TMTC4: variants seen among roughly 807,000 people sequenced by gnomAD.
TMTC4 encodes transmembrane O-mannosyltransferase targeting cadherins 4.
A neutral mutation model predicts 86.0 loss-of-function variants in TMTC4; 65 were observed. The ratio of observed to expected loss-of-function variants is 0.76; its 90% CI spans 0.62 to 0.93. TMTC4 has a LOEUF of 0.93. Among genes scored for constraint, TMTC4 ranks in the 40% least tolerant of loss-of-function variants. The pLI is 0.00. For synonymous variants in TMTC4, 379 were observed against 382.5 expected, an observed-to-expected ratio of 0.99 and a Z score of 0.11; for missense variants, 866 against 948.1, an observed-to-expected ratio of 0.91 and a Z score of 1.14.
Position 100,630,977 on chromosome 13 carries a change from A to G in TMTC4, c.1506+3828T>C, listed in dbSNP as rs959309105. ...TTATCCTATGGGTTAGGTGGAGGGA[A>G]TTCTTTGAATAAAAAATAGCTGCCT... is the stretch of plus-strand genomic sequence containing the variant. On this transcript the variant is annotated intron_variant, in intron 12 of 18. Coordinates refer to ENST00000342624, the MANE Select transcript of TMTC4 (RefSeq NM_032813.5). Among the ~76,000 whole-genome samples the G allele has an allele frequency of 2.0e-5, 3 of 152,356 alleles. No homozygotes were observed. The East Asian group carries it at 5.8e-4, about 29-fold the overall frequency.
At chr13:100,621,438 T>C (rs954553142) in intron 15 of TMTC4, among the ~76,000 whole-genome samples, 36 of 152,166 alleles carry the variant, frequency 2.4e-4, no homozygotes, top group African/African-American at 8.7e-4. Context: ...TTTATTTTTA[T>C]TTTTTGAGAT....
At chr13:100,620,903 T>G (rs1879370758) in intron 15 of TMTC4, among the ~76,000 whole-genome samples, 2 of 152,118 alleles carry the variant, frequency 1.3e-5, no homozygotes. Flanking sequence ...TATAAATGGG[T>G]TGGTTGAGTT....
At chr13:100,674,831 G>A (rs866444913), upstream of TMTC4, 56 of 973,042 alleles carry the variant, frequency 5.8e-5, 1 homozygote, top group African/African-American at 8.0e-4. Context: ...CTGGCAGGGG[G>A]AGGGGCCGCC....
At chr13:100,614,495 A>T in intron 15 of TMTC4, 65 bp from the exon 16 acceptor site, 1 of 1,006,150 alleles carries the variant, frequency 9.9e-7, no homozygotes, top group Non-Finnish European at 1.4e-6. Flanking sequence ...CCAAGACATT[A>T]TTAAAAAAAA....
intron 6 of TMTC4, among the ~76,000 whole-genome samples, chr13:100,651,318 A>C (rs1884403938): frequency 6.6e-6 from 1 of 152,180 alleles, no homozygotes; most frequent in Admixed American, 6.5e-5. Context: ...CCTCATTGTA[A>C]GAATAACACT....
In TMTC4 at chr13:100,664,154, C is replaced by T. The variant is rs927386353; in HGVS notation, c.335+67G>A. ...TGAATGCTGAGAACCTGGTGACACA[C>T]ACCTGTATCCAATGTCACACACAAG... On this transcript the variant is annotated intron_variant, in intron 4 of 18. Coordinates refer to ENST00000342624, the MANE Select transcript of TMTC4 (RefSeq NM_032813.5). 11 of 1,373,330 alleles carry T rather than the reference C, an allele frequency of 8.0e-6. No individual in the cohort carries two copies. The East Asian group carries it at 1.0e-4, about 13-fold the overall frequency. The allele number at this position is 1,373,330 out of a possible 1,614,324, so 85.1% of individuals were successfully genotyped here.
At chr13:100,617,994 G>A (rs956939242) in intron 15 of TMTC4, among the ~76,000 whole-genome samples, 35 of 152,120 alleles carry the variant, frequency 2.3e-4, no homozygotes, top group African/African-American at 8.5e-4. Flanking sequence ...ACTCGTTTGT[G>A]TCACCTCTGA....
chr13:100,672,076 G>C (rs1887178844), intron 1 of TMTC4, among the ~76,000 whole-genome samples: 1 of 152,136 alleles, frequency 6.6e-6, no homozygotes, highest in Non-Finnish European at 1.5e-5. Context: ...TCAGAAGGTG[G>C]TGGTAAGGAT....
intron 3 of TMTC4, chr13:100,666,224 A>C (rs1315759209): frequency 2.8e-6 from 1 of 351,602 alleles, no homozygotes; most frequent in Non-Finnish European, 5.6e-6. Flanking sequence ...GGAACAAAAA[A>C]GGCAACTCCA....
rs763009051 is a variant in TMTC4, at chr13:100,614,409, C to T, written c.1858G>A (p.Val620Met). 12 of 1,612,578 alleles carry T rather than the reference C, an allele frequency of 7.4e-6. No homozygotes were observed. Among genetic ancestry groups the T allele is most frequent in the East Asian group, 6.7e-5 (3 of 44,834 alleles). Residue 620 changes from valine (V) to methionine (M), a missense_variant, in exon 16 of 19, where the codon GTG (valine) becomes ATG (methionine). By Grantham distance (21) the Val-to-Met change is conservative. Transcript: ENST00000342624. ...GRLYADLNRH[V>M]DALNAWRNAT... is the part of the protein sequence containing the mutation. ...TTTCTCCACGCATTCAAGGCATCCACGTGGCGATTGAGATCTGCATACTGA... is the reference window on the plus strand; with the variant it reads ...TTTCTCCACGCATTCAAGGCATCCATGTGGCGATTGAGATCTGCATACTGA...
chr13:100,617,003 CTTTAG>C (rs1878608151), intron 15 of TMTC4, among the ~76,000 whole-genome samples: 1 of 152,166 alleles, frequency 6.6e-6, no homozygotes, highest in Non-Finnish European at 1.5e-5. Context: ...TGCAGAAACC[CTTTAG>C]TTTAATTAGG....
chr13:100,667,703 G>C (rs764724008), intron 3 of TMTC4, among the ~76,000 whole-genome samples: 25 of 151,996 alleles, frequency 1.6e-4, no homozygotes, highest in Admixed American at 2.6e-4. Flanking sequence ...ATCTAGTAGG[G>C]AGCTAAATGT....
At chr13:100,650,813 G>A (rs1379294400) in intron 6 of TMTC4, among the ~76,000 whole-genome samples, 4 of 152,214 alleles carry the variant, frequency 2.6e-5, no homozygotes, top group Admixed American at 2.0e-4. Context: ...GCGTCCTATC[G>A]GACATGAGTT....
At position 100,605,114 on chromosome 13, in the gene TMTC4, T is replaced by G. The variant is rs763830955; in HGVS notation, c.2163A>C (p.Leu721=). 3 of 1,612,886 alleles carry G rather than the reference T, an allele frequency of 1.9e-6. No homozygotes were observed. Among genetic ancestry groups the G allele is most frequent in the Admixed American group, 1.7e-5 (1 of 59,710 alleles). ...TTTCATAGTGTTTCTTGGCCAAGTC[T>G]AGATGTCCCCAACGATGATAAAGCA... ...LAVLYHRWGH[L]DLAKKHYEIS... The change falls in exon 19 of 19, where the codon CTA becomes CTC. Residue 721 remains leucine, a synonymous_variant. Coordinates refer to ENST00000342624, the MANE Select transcript of TMTC4 (RefSeq NM_032813.5). The surrounding 1 kb of genome is among the most constrained non-coding windows in gnomAD (Gnocchi z 4.3).
Position 100,614,443 on chromosome 13 carries a change from C to A in TMTC4, c.1837-13G>T. 6.3e-7 allele frequency: 1 copy of A among 1,582,572 alleles called. No individual in the cohort carries two copies. Among genetic ancestry groups the A allele is most frequent in the South Asian group, 1.1e-5 (1 of 89,660 alleles). ...TGAGATCTGCATACTGAAAATAAAA[C>A]ACACCAAAAAATCAGTATTCCAAGT... is the stretch of plus-strand genomic sequence containing the variant. On this transcript the variant is annotated splice_polypyrimidine_tract_variant and intron_variant, in intron 15 of 18. Coordinates refer to ENST00000342624, the MANE Select transcript of TMTC4 (RefSeq NM_032813.5).
chr13:100,664,784 C>G (rs1007355064), intron 3 of TMTC4, among the ~76,000 whole-genome samples: 1 of 152,210 alleles, frequency 6.6e-6, no homozygotes, highest in African/African-American at 2.4e-5. Flanking sequence ...ACATCTCACC[C>G]TGTCAAGCAA....
intron 12 of TMTC4, 27 bp from the exon 13 acceptor site, chr13:100,626,177 C>T: frequency 6.2e-7 from 1 of 1,610,574 alleles, no homozygotes; most frequent in Non-Finnish European, 8.5e-7. Context: ...ATTGGGCCAT[C>T]AGCAGACAGA....
At chr13:100,628,174 A>AT (rs1880827900) in intron 12 of TMTC4, among the ~76,000 whole-genome samples, 2 of 152,130 alleles carry the variant, frequency 1.3e-5, no homozygotes, top group African/African-American at 4.8e-5. Flanking sequence ...GAGTTCTTTC[A>AT]TTTTGCAAAT....
intron 3 of TMTC4, chr13:100,666,061 C>A: frequency 2.2e-6 from 1 of 456,606 alleles, no homozygotes; most frequent in Middle Eastern, 3.3e-4. Flanking sequence ...TGAACACCAA[C>A]GAGGTTCTAA....
Sources: gnomAD v4.1 joint callset for allele counts (sites outside exome capture counted in the v4.1 genomes callset) on GRCh38, gnomAD v4.1.1 for gene constraint, Gnocchi (gnomAD v3.1) non-coding constraint, MANE v1.5 for transcripts, NCBI Gene and HGNC (gene_info 2026-07-23, HGNC 2026-07-21) for gene names.